The following CDYL variants were observed in gnomAD, a reference collection of about 807,000 sequenced individuals.
CDYL encodes the protein chromodomain Y-like protein.
In CDYL, 8 loss-of-function variants were observed where a neutral mutation model predicts 47.3. The ratio of observed to expected loss-of-function variants is 0.17; its 90% CI spans 0.10 to 0.31. CDYL has a LOEUF of 0.31. Ranked by LOEUF, CDYL falls within the 10% of genes least tolerant of loss-of-function variation. CDYL has a pLI of 1.00. For synonymous variants in CDYL, 266 were observed against 265.0 expected, an observed-to-expected ratio of 1.00 and a Z score of -0.04; for missense variants, 471 against 701.4, an observed-to-expected ratio of 0.67 and a Z score of 3.71.
chr6:4,762,224 A>G (rs1243128971), intron 3 of CDYL, among the ~76,000 whole-genome samples: 1 of 152,222 alleles, frequency 6.6e-6, no homozygotes, highest in Non-Finnish European at 1.5e-5. Flanking sequence ...GCACCCCTAG[A>G]GACTACAGCT....
At chr6:4,922,193 C>T (rs750625859) in intron 2 of CDYL, among the ~76,000 whole-genome samples, 1 of 152,088 alleles carries the variant, frequency 6.6e-6, no homozygotes, top group African/African-American at 2.4e-5. Flanking sequence ...GGGTGAGACA[C>T]CTGGTACTGC....
At chr6:4,883,989 T>G (rs1761832774) in intron 1 of CDYL, among the ~76,000 whole-genome samples, 1 of 152,166 alleles carries the variant, frequency 6.6e-6, no homozygotes, top group African/African-American at 2.4e-5. Context: ...GATCATTGAC[T>G]CACCATGTGT....
chr6:4,724,810 A>T (rs977030717), intron 2 of CDYL: 1 of 152,254 alleles, frequency 6.6e-6, no homozygotes, highest in Non-Finnish European at 1.5e-5. Flanking sequence ...TCAAAGAATT[A>T]GCAGCAACAA....
rs1202603821 is a variant in CDYL at position 4,776,578 on chromosome 6, C to G, written c.-206C>G. 1 of 219,562 alleles carries G rather than the reference C, an allele frequency of 4.6e-6. No individual in the cohort carries two copies. Among genetic ancestry groups the G allele is most frequent in the African/African-American group, 2.4e-5 (1 of 41,256 alleles). The allele number at this position is 219,562 out of a possible 1,614,324, so 13.6% of individuals were successfully genotyped here. A position where few individuals can be genotyped will look rare whatever the true frequency, so the allele number is the denominator to read the frequency against. The stretch of plus-strand genomic sequence containing the variant: ...AGCGCGGGGCGCCCAGGGCGCGTTG[C>G]GTAGCTGCTCCTGCGCACAACCCCG... On this transcript the variant is annotated 5_prime_UTR_variant, in exon 1 of 7. Coordinates refer to ENST00000397588, the MANE Select transcript of CDYL (RefSeq NM_004824.4).
At chr6:4,726,267 C>T (rs1257640780) in intron 2 of CDYL, among the ~76,000 whole-genome samples, 2 of 152,022 alleles carry the variant, frequency 1.3e-5, no homozygotes, top group African/African-American at 4.8e-5. Context: ...GCCGGCGTGG[C>T]GGCTCTCGCG....
chr6:4,787,683 C>G (rs1160533368), intron 1 of CDYL, among the ~76,000 whole-genome samples: 1 of 150,978 alleles, frequency 6.6e-6, no homozygotes, highest in Non-Finnish European at 1.5e-5. Flanking sequence ...GCCCCCTCAC[C>G]TTTGACAGAA....
intron 1 of CDYL, among the ~76,000 whole-genome samples, chr6:4,785,413 G>T (rs1014116642): frequency 1.3e-5 from 2 of 152,206 alleles, no homozygotes; most frequent in African/African-American, 4.8e-5. Context: ...TCTGCTATGT[G>T]AAGTTTTCTT....
intron 3 of CDYL, among the ~76,000 whole-genome samples, chr6:4,751,055 C>T (rs2127419958): frequency 6.6e-6 from 1 of 151,934 alleles, no homozygotes; most frequent in East Asian, 1.9e-4. Context: ...CAGGGTTTCA[C>T]CATGTTAGCC....
At chr6:4,931,931 T>C (rs2127517247) in intron 2 of CDYL, among the ~76,000 whole-genome samples, 1 of 152,302 alleles carries the variant, frequency 6.6e-6, no homozygotes, top group East Asian at 1.9e-4. Context: ...TCAAAGAAAA[T>C]GCTGAAGCTG....
intron 2 of CDYL, among the ~76,000 whole-genome samples, chr6:4,725,265 A>C (rs1033011890): frequency 2.0e-5 from 3 of 152,254 alleles, no homozygotes; most frequent in African/African-American, 4.8e-5. Context: ...AGCTGGCTTT[A>C]CACAGTGGAT....
At position 4,779,694 on chromosome 6, in the gene CDYL, C is replaced by T. The variant is rs200399031; in HGVS notation, c.24+2887C>T. ...GAGGAAAAACGGATTTTTGATGCGG[C>T]GTAGGTTAGAACTTCATAGTTTTCA... On this transcript the variant is annotated intron_variant, in intron 1 of 6. Transcript: ENST00000397588. Among the ~76,000 whole-genome samples, 37 of 152,258 alleles carry T rather than the reference C, an allele frequency of 2.4e-4. 2 individuals carry two copies. In the South Asian group the frequency reaches 2.7e-3, roughly 11 times the overall value.
intron 2 of CDYL, among the ~76,000 whole-genome samples, chr6:4,923,770 G>A (rs78500806): frequency 0.045 from 6,844 of 152,000 alleles, 275 homozygotes; most frequent in African/African-American, 0.099. Context: ...GCATGGTGGC[G>A]GGCGCCTGTA....
chr6:4,861,757 T>C (rs1761176147), intron 1 of CDYL, among the ~76,000 whole-genome samples: 2 of 152,256 alleles, frequency 1.3e-5, no homozygotes, highest in African/African-American at 4.8e-5. Flanking sequence ...CATTGCGCAG[T>C]ACTGTATCTG....
At chr6:4,778,470 G>A (rs960743692) in intron 1 of CDYL, among the ~76,000 whole-genome samples, 1 of 152,190 alleles carries the variant, frequency 6.6e-6, no homozygotes, top group Non-Finnish European at 1.5e-5. Context: ...CCTAACAGAA[G>A]TTATTAATGA....
At chr6:4,891,656 C>A in intron 1 of CDYL, 57 bp from the exon 2 acceptor site, 2 of 1,397,838 alleles carry the variant, frequency 1.4e-6, no homozygotes, top group Non-Finnish European at 1.9e-6. Flanking sequence ...ATGAAACTTG[C>A]ACTTTTCCCC....
chr6:4,902,739 G>T (rs1263391776), intron 2 of CDYL, among the ~76,000 whole-genome samples: 1 of 92,252 alleles, frequency 1.1e-5, no homozygotes, highest in Admixed American at 1.1e-4. Flanking sequence ...TGGAGAAGGT[G>T]CCAGGGAGTC....
intron 1 of CDYL, among the ~76,000 whole-genome samples, chr6:4,813,674 T>C (rs1452770564): frequency 6.6e-6 from 1 of 152,238 alleles, no homozygotes; most frequent in Non-Finnish European, 1.5e-5. Context: ...CCGATTGTTA[T>C]TAGAATCTAA....
intron 3 of CDYL, 54 bp downstream of exon 3, chr6:4,935,825 C>T (rs1209142854): frequency 6.2e-7 from 1 of 1,603,584 alleles, no homozygotes. Context: ...TGCCTGATTT[C>T]CAGGCCTGCC....
intron 2 of CDYL, chr6:4,724,902 G>A (rs186050156): frequency 1.3e-5 from 2 of 152,306 alleles, no homozygotes; most frequent in Non-Finnish European, 2.9e-5. Flanking sequence ...GGCTCGGGCA[G>A]CCTGCTTTTA....
Sources: allele counts gnomAD v4.1 joint callset (sites outside exome capture counted in the v4.1 genomes callset), GRCh38; gene constraint gnomAD v4.1.1; transcripts MANE v1.5; gene names NCBI Gene and HGNC (gene_info 2026-07-23, HGNC 2026-07-21).